The following PRKG1 variants were observed in gnomAD, a reference collection of about 807,000 sequenced individuals.
The protein encoded by PRKG1 is cGMP-dependent protein kinase 1.
A neutral mutation model predicts 88.1 loss-of-function variants in PRKG1; 35 were observed. That is an observed-to-expected ratio of 0.40 (90% confidence interval 0.30 to 0.53). The LOEUF (loss-of-function observed/expected upper bound fraction) is 0.53. Among genes scored for constraint, PRKG1 ranks in the 20% least tolerant of loss-of-function variants. The pLI is 0.59. For missense variants in PRKG1, 540 were observed against 839.8 expected (o/e 0.64, Z 4.41); for synonymous variants, 303 against 292.5 (o/e 1.04, Z -0.37).
At chr10:52,037,721 A>G (rs933130903) in intron 5 of PRKG1, among the ~76,000 whole-genome samples, 2 of 152,182 alleles carry the variant, frequency 1.3e-5, no homozygotes, top group African/African-American at 2.4e-5. Context: ...ACTGTAAGCC[A>G]GACCAGGTGT....
chr10:51,144,749 C>CTGAGTATG (rs1374376272), intron 1 of PRKG1, among the ~76,000 whole-genome samples: 1 of 152,102 alleles, frequency 6.6e-6, no homozygotes, highest in African/African-American at 2.4e-5. Context: ...TAAAACTGAA[C>CTGAGTATG]TGAGTATGTC....
chr10:51,608,821 G>A (rs1408837457), intron 3 of PRKG1, among the ~76,000 whole-genome samples: 1 of 152,092 alleles, frequency 6.6e-6, no homozygotes, highest in Non-Finnish European at 1.5e-5. Context: ...GTGACATCTT[G>A]ATGACCCTGA....
intron 4 of PRKG1, among the ~76,000 whole-genome samples, chr10:51,890,025 G>C (rs1841678010): frequency 6.6e-6 from 1 of 152,040 alleles, no homozygotes; most frequent in African/African-American, 2.4e-5. Flanking sequence ...TCACTCTGAT[G>C]GTAGTTTCTT....
intron 1 of PRKG1, among the ~76,000 whole-genome samples, chr10:51,010,350 G>A (rs376954526): frequency 1.3e-5 from 2 of 152,198 alleles, no homozygotes; most frequent in East Asian, 3.8e-4. Context: ...ACAGAATCAA[G>A]ATCCCAAAAG....
intron 4 of PRKG1, among the ~76,000 whole-genome samples, chr10:51,889,872 G>T (rs1207004289): frequency 1.3e-5 from 2 of 152,148 alleles, no homozygotes; most frequent in Non-Finnish European, 2.9e-5. Flanking sequence ...AGAAGTGTCT[G>T]TTCATATTCT....
At chr10:50,997,626 A>G (rs1394405897) in intron 1 of PRKG1, among the ~76,000 whole-genome samples, 2 of 152,188 alleles carry the variant, frequency 1.3e-5, no homozygotes, top group Non-Finnish European at 2.9e-5. Flanking sequence ...GAATCTGCTT[A>G]TCAGAGTTCA....
chr10:51,481,589 T>C lies in PRKG1; in HGVS notation c.592+13753T>C, dbSNP rs293308. ...ATAGAATACATTATTTTAGTGTACA[T>C]TAATTTAAAAATTCATTAATTTTGG... On this transcript the variant is annotated intron_variant, in intron 3 of 17. Transcript: ENST00000373980. Among the ~76,000 whole-genome samples, 549 of 152,254 alleles carry C rather than the reference T, an allele frequency of 3.6e-3. 1 individual carries two copies. The highest frequency in any genetic ancestry group is 0.013 in the African/African-American group (529 of 41,556).
intron 2 of PRKG1, among the ~76,000 whole-genome samples, chr10:51,331,143 C>T (rs895363177): frequency 6.6e-6 from 1 of 152,074 alleles, no homozygotes; most frequent in Non-Finnish European, 1.5e-5. Flanking sequence ...GATGGTGCTT[C>T]CAGAATCCTT....
At chr10:52,120,543 A>G (rs755977429) in intron 7 of PRKG1, among the ~76,000 whole-genome samples, 1 of 152,184 alleles carries the variant, frequency 6.6e-6, no homozygotes, top group Non-Finnish European at 1.5e-5. Flanking sequence ...CAGGCATAAG[A>G]TAGATATTTT....
intron 2 of PRKG1, among the ~76,000 whole-genome samples, chr10:51,232,975 A>C (rs1012122921): frequency 6.6e-6 from 1 of 152,220 alleles, no homozygotes; most frequent in Non-Finnish European, 1.5e-5. Context: ...AATTTGAACA[A>C]AGTGGGCTCA....
At chr10:52,277,766 A>G (rs1463670859) in intron 12 of PRKG1, among the ~76,000 whole-genome samples, 1 of 152,198 alleles carries the variant, frequency 6.6e-6, no homozygotes, top group African/African-American at 2.4e-5. Flanking sequence ...TATTCAGAAT[A>G]TAAGTATAAT....
At chr10:51,157,814 T>C (rs1290273683) in intron 2 of PRKG1, among the ~76,000 whole-genome samples, 1 of 133,026 alleles carries the variant, frequency 7.5e-6, no homozygotes, top group East Asian at 1.9e-4. Flanking sequence ...ATTTTTTTTT[T>C]GCATTTCAAA....
At chr10:52,235,532 C>T (rs1840658801) in intron 9 of PRKG1, among the ~76,000 whole-genome samples, 2 of 149,798 alleles carry the variant, frequency 1.3e-5, no homozygotes, top group South Asian at 2.1e-4. Context: ...TCTGATAAAA[C>T]AGACTTTAAA....
At chr10:51,632,426 T>G (rs1005127368) in intron 3 of PRKG1, among the ~76,000 whole-genome samples, 29 of 152,196 alleles carry the variant, frequency 1.9e-4, no homozygotes, top group African/African-American at 7.0e-4. Context: ...TTTTTTCCAA[T>G]GATTTTATGA....
chr10:51,595,333 AG>A lies in PRKG1; in HGVS notation c.592+127498del, dbSNP rs760351265. Among the ~76,000 whole-genome samples the A allele has an allele frequency of 3.2e-4, 49 of 152,270 alleles. No individual in the cohort carries two copies. The East Asian group carries it at 8.5e-3, about 26-fold the overall frequency. On this transcript the variant is annotated intron_variant, in intron 3 of 17. Transcript: ENST00000373980. ...AAAGACCTTGTTTCAAAAAATAAACAGATAAAAATAGGTCAGGTGTGGTGGT... is the reference window on the plus strand; with the variant it reads ...AAAGACCTTGTTTCAAAAAATAAACAATAAAAATAGGTCAGGTGTGGTGGT...
At chr10:51,243,562 C>T (rs1839210110) in intron 2 of PRKG1, among the ~76,000 whole-genome samples, 1 of 152,154 alleles carries the variant, frequency 6.6e-6, no homozygotes, top group Non-Finnish European at 1.5e-5. Context: ...AAATTGTTTT[C>T]CCTTTTCTGG....
chr10:51,079,582 C>A (rs1844053694), intron 1 of PRKG1, among the ~76,000 whole-genome samples: 1 of 151,984 alleles, frequency 6.6e-6, no homozygotes, highest in South Asian at 2.1e-4. Flanking sequence ...TGTGGAAAAG[C>A]AAGTTTAGGC....
intron 11 of PRKG1, 56 bp from the exon 12 acceptor site, chr10:52,272,336 C>T (rs1359986887): frequency 2.2e-6 from 3 of 1,372,366 alleles, no homozygotes; most frequent in East Asian, 2.4e-5. Context: ...CAAAATTGCA[C>T]ACTTGTAAAA....
chr10:52,159,572 T>A (rs974400046), intron 8 of PRKG1, among the ~76,000 whole-genome samples: 3 of 151,744 alleles, frequency 2.0e-5, no homozygotes, highest in African/African-American at 7.2e-5. Context: ...TATATTTTGC[T>A]AAGAATTTCA....
Sources: allele counts gnomAD v4.1 joint callset (sites outside exome capture counted in the v4.1 genomes callset), GRCh38; gene constraint gnomAD v4.1.1; transcripts MANE v1.5; gene names NCBI Gene and HGNC (gene_info 2026-07-23, HGNC 2026-07-21).